The following GMEB1 variants were observed in gnomAD, a reference collection of about 807,000 sequenced individuals.
The protein encoded by GMEB1 is glucocorticoid modulatory element-binding protein 1.
In GMEB1, 6 loss-of-function variants were observed where a neutral mutation model predicts 52.4. The observed-to-expected ratio is 0.11, with a 90% CI of 0.06 to 0.23. GMEB1 has a LOEUF of 0.23. Ranked by LOEUF, GMEB1 falls within the 10% of genes least tolerant of loss-of-function variation. The pLI, the probability that GMEB1 is intolerant of heterozygous loss-of-function variation, is 1.00. For missense variants in GMEB1, 486 were observed against 685.6 expected (o/e 0.71, Z 3.25); for synonymous variants, 255 against 244.9 (o/e 1.04, Z -0.38).
At chr1:28,697,869 G>A (rs1009455614) in intron 6 of GMEB1, among the ~76,000 whole-genome samples, 2 of 152,190 alleles carry the variant, frequency 1.3e-5, no homozygotes, top group African/African-American at 4.8e-5. Context: ...GCCAGGTGCG[G>A]TGGCTCACGC....
chr1:28,710,975 TGATA>T (rs1255890170), intron 9 of GMEB1, among the ~76,000 whole-genome samples: 2 of 152,124 alleles, frequency 1.3e-5, no homozygotes, highest in Admixed American at 6.6e-5. Context: ...CTGCATCTTT[TGATA>T]GATATAAATT....
chr1:28,713,157 CAAA>C (rs1222945447), intron 9 of GMEB1, among the ~76,000 whole-genome samples: 7 of 76,402 alleles, frequency 9.2e-5, no homozygotes, highest in Admixed American at 1.5e-4. Context: ...GACTCCATCT[CAAA>C]AAAAAAAAAA....
Position 28,690,203 on chromosome 1 carries a change from GTT to G in GMEB1, c.211+37_211+38del, listed in dbSNP as rs878890649. The G allele has an allele frequency of 0.022, 11,198 of 504,692 alleles. 96 individuals carry two copies. The highest frequency in any genetic ancestry group is 0.036 in the East Asian group (918 of 25,312). 31.3% of individuals were successfully genotyped at this position (504,692 alleles called of 1,614,324 possible). On this transcript the variant is annotated intron_variant, in intron 3 of 9. Coordinates refer to ENST00000373816, the MANE Select transcript of GMEB1 (RefSeq NM_001319674.2). The stretch of plus-strand genomic sequence containing the variant: ...AAGGGATTGGTAAGGGTTTTTTTGT[GTT>G]TTTTTTTTTTTTTTTTTTTGTCATT...
chr1:28,690,104 G>A lies in GMEB1; in HGVS notation c.129G>A (p.Gly43=). Residue 43 remains glycine (G), a splice_region_variant and synonymous_variant, in exon 3 of 10, where the codon GGG becomes GGA. Transcript: ENST00000373816. ...VILQLQPVQQ[G]IYEAGSENNT... is the part of the protein sequence containing the mutation. Reference sequence around the variant, plus strand: ...TTATCGATGGACACTTTTACAACAGGATTTATGAAGCTGGGTCGGAGAACA... The same window carrying A: ...TTATCGATGGACACTTTTACAACAGAATTTATGAAGCTGGGTCGGAGAACA... 1 of 1,599,212 alleles carries A rather than the reference G, an allele frequency of 6.3e-7. No homozygotes were observed. The highest frequency in any genetic ancestry group is 8.5e-7 in the Non-Finnish European group (1 of 1,171,544).
intron 6 of GMEB1, among the ~76,000 whole-genome samples, chr1:28,701,461 G>T (rs745643064): frequency 4.6e-5 from 7 of 151,666 alleles, no homozygotes; most frequent in Non-Finnish European, 1.0e-4. Flanking sequence ...ATAGAGACGG[G>T]GTTTCACCGT....
In GMEB1 at chr1:28,714,369, C is replaced by T. The variant is rs765989607; in HGVS notation, c.1288C>T (p.Pro430Ser). 6.2e-7 allele frequency: 1 copy of T among 1,614,228 alleles called. No homozygotes were observed. The highest frequency in any genetic ancestry group is 1.7e-5 in the Admixed American group (1 of 60,030). Residue 430 changes from proline (P) to serine (S), a missense_variant, in exon 10 of 10, where the codon CCT becomes TCT. Pro to Ser is a moderately conservative substitution (Grantham distance 74). Transcript: ENST00000373816. Reference protein sequence around the residue: ...GSSPVTVHTLPSGPQLFRYAT... With the variant: ...GSSPVTVHTLSSGPQLFRYAT... ...CAGTCCTGTGACTGTCCACACACTG[C>T]CTTCTGGCCCTCAGCTCTTCCGCTA...
In GMEB1 at chr1:28,687,377, C is replaced by CAA. The variant is rs1260455703; in HGVS notation, c.129-2726_129-2725insAA. ...ACACACACACACACACACACACACA[C>CAA]ACACACACACAAAAAAAGACAGTGG... On this transcript the variant is annotated intron_variant, in intron 2 of 9. Coordinates refer to ENST00000373816, the MANE Select transcript of GMEB1 (RefSeq NM_001319674.2). Among the ~76,000 whole-genome samples, 51 of 14,786 alleles carry CAA rather than the reference C, an allele frequency of 3.4e-3. 6 individuals carry two copies. Among genetic ancestry groups the CAA allele is most frequent in the South Asian group, 6.0e-3 (2 of 334 alleles). The allele number at this position is 14,786 out of a possible 152,430, so 9.7% of individuals were successfully genotyped here.
intron 7 of GMEB1, among the ~76,000 whole-genome samples, chr1:28,703,114 G>GT (rs1213160622): frequency 6.6e-6 from 1 of 152,160 alleles, no homozygotes; most frequent in African/African-American, 2.4e-5. Context: ...GAATTTAGCT[G>GT]TTTGACTATG....
chr1:28,683,521 G>T, intron 1 of GMEB1, 62 bp from the exon 2 acceptor site: 2 of 1,384,908 alleles, frequency 1.4e-6, no homozygotes, highest in South Asian at 1.4e-5. Flanking sequence ...GAGCCACCAT[G>T]CCCGGCCTGT....
Position 28,714,499 on chromosome 1 carries a change from G to A in GMEB1, c.1418G>A (p.Ser473Asn), listed in dbSNP as rs1371203074. 6 of 1,614,094 alleles carry A rather than the reference G, an allele frequency of 3.7e-6. No homozygotes were observed. The highest frequency in any genetic ancestry group is 5.1e-6 in the Non-Finnish European group (6 of 1,180,048). ...AGCTCTACTGCCATGCAGGATGGGA[G>A]TACACTGGGCAACATGACCACCATG... ...LLSSTAMQDG[S>N]TLGNMTTMVS... Residue 473 changes from serine (S) to asparagine (N), a missense_variant, in exon 10 of 10, where the codon AGT (serine) becomes AAT (asparagine). Physicochemically the swap from Ser to Asn is conservative, Grantham distance 46. Around this residue, in one of 5 missense-constraint regions of GMEB1, gnomAD observed 153 missense variants for 200.8 expected, o/e 0.76. Transcript: ENST00000373816.
chr1:28,689,973 T>G (rs1295980818), intron 2 of GMEB1, 131 bp from the exon 3 acceptor site: 7 of 577,918 alleles, frequency 1.2e-5, no homozygotes, highest in Non-Finnish European at 1.8e-5. Context: ...GGGAAACTAG[T>G]CAGAGTTATA....
rs536250394 is a variant in GMEB1, at chr1:28,688,721, A to G, written c.129-1383A>G. On this transcript the variant is annotated intron_variant, in intron 2 of 9. Coordinates refer to ENST00000373816, the MANE Select transcript of GMEB1 (RefSeq NM_001319674.2). ...ACAAACAAACACCCCCCCACCACCC[A>G]CCACCCCCAGCAAAATACACCGTTT... is the stretch of plus-strand genomic sequence containing the variant. Among the ~76,000 whole-genome samples, 52 of 147,016 alleles carry G rather than the reference A, an allele frequency of 3.5e-4. No homozygotes were observed. In the South Asian group the frequency reaches 6.0e-3, roughly 17 times the overall value.
intron 1 of GMEB1, among the ~76,000 whole-genome samples, chr1:28,675,689 A>G (rs1213496409): frequency 6.6e-6 from 1 of 151,888 alleles, no homozygotes; most frequent in African/African-American, 2.4e-5. Context: ...CAAAAAAAAA[A>G]AAAAAAGAAA....
chr1:28,710,007 C>T (rs1670972352), intron 8 of GMEB1, among the ~76,000 whole-genome samples: 1 of 151,974 alleles, frequency 6.6e-6, no homozygotes, highest in Non-Finnish European at 1.5e-5. Context: ...ATTAGGCAGG[C>T]GTGGTGGCAG....
chr1:28,694,564 G>A (rs1557510496), intron 5 of GMEB1, among the ~76,000 whole-genome samples: 1 of 151,650 alleles, frequency 6.6e-6, no homozygotes, highest in Non-Finnish European at 1.5e-5. Flanking sequence ...GGAGTGCATT[G>A]GCATGATCAG....
intron 1 of GMEB1, among the ~76,000 whole-genome samples, chr1:28,679,284 TCTC>T (rs1433396319): frequency 6.6e-6 from 1 of 151,970 alleles, no homozygotes; most frequent in Non-Finnish European, 1.5e-5. Flanking sequence ...TTCAATGAAT[TCTC>T]CTCCCTCAGC....
chr1:28,701,961 C>G (rs147372110), intron 6 of GMEB1, among the ~76,000 whole-genome samples: 18 of 152,268 alleles, frequency 1.2e-4, no homozygotes, highest in African/African-American at 3.6e-4. Flanking sequence ...ATTTCTTTTA[C>G]TTTCTCTTTA....
rs1490672868 is a variant in GMEB1 at position 28,714,055 on chromosome 1, T to C, written c.992-18T>C. 6.3e-7 allele frequency: 1 copy of C among 1,584,402 alleles called. No homozygotes were observed. Among genetic ancestry groups the C allele is most frequent in the East Asian group, 2.2e-5 (1 of 44,534 alleles). ...ATTTTACTTCCCTCTACACAAAGTC[T>C]TTTCTTTTTTTCCATAGACTTGGAA... On this transcript the variant is annotated intron_variant, in intron 9 of 9. Transcript: ENST00000373816.
intron 1 of GMEB1, among the ~76,000 whole-genome samples, chr1:28,673,779 C>T (rs995979629): frequency 5.9e-5 from 9 of 151,918 alleles, no homozygotes; most frequent in African/African-American, 2.2e-4. Context: ...TTTGGGAGGC[C>T]GAGGTGAGAG....
Sources: gnomAD v4.1 joint callset for allele counts (sites outside exome capture counted in the v4.1 genomes callset) on GRCh38, gnomAD v4.1.1 for gene constraint, gnomAD v4.1.1 regional missense constraint, MANE v1.5 for transcripts, NCBI Gene and HGNC (gene_info 2026-07-23, HGNC 2026-07-21) for gene names.